The following DYNC2I1 variants were observed in gnomAD, a reference collection of about 807,000 sequenced individuals.
The protein encoded by DYNC2I1 is cytoplasmic dynein 2 intermediate chain 1.
A neutral mutation model predicts 133.4 loss-of-function variants in DYNC2I1; 89 were observed. The ratio of observed to expected loss-of-function variants is 0.67; its 90% CI spans 0.56 to 0.80. The LOEUF (loss-of-function observed/expected upper bound fraction) is 0.80, where lower values mean the gene tolerates loss of function less well. Among genes scored for constraint, DYNC2I1 ranks in the 30% least tolerant of loss-of-function variants. The pLI is 0.00. For missense variants in DYNC2I1, 1,291 were observed against 1,314.5 expected (o/e 0.98, Z 0.28); for synonymous variants, 504 against 484.3 (o/e 1.04, Z -0.54).
chr7:158,870,956 T>C (rs769445473), intron 2 of DYNC2I1, among the ~76,000 whole-genome samples, 186 bp from the exon 3 acceptor site: 4 of 152,216 alleles, frequency 2.6e-5, no homozygotes, highest in South Asian at 2.1e-4. Context: ...CCATGTCCTT[T>C]AGTGTTCTAA....
chr7:158,881,138 C>G (rs1219852656), intron 5 of DYNC2I1, among the ~76,000 whole-genome samples: 2 of 152,266 alleles, frequency 1.3e-5, no homozygotes, highest in African/African-American at 2.4e-5. Flanking sequence ...CAGAAGCTGC[C>G]TGGCTCCCGG....
chr7:158,871,327 C>T lies in DYNC2I1; in HGVS notation c.255C>T (p.Asp85=). The T allele has an allele frequency of 1.3e-6, 2 of 1,557,622 alleles. No homozygotes were observed. The highest frequency in any genetic ancestry group is 8.7e-7 in the Non-Finnish European group (1 of 1,150,246). The change falls in exon 3 of 25, where the codon GAC becomes GAT. Residue 85 remains aspartate (D), a synonymous_variant. Transcript: ENST00000407559. ...AGGAGAGTCCTCGTGGGGAGAGGGA[C>T]AGAGACAGACAGAGGGAGAGGAGAA... The part of the protein sequence containing the change: ...TAKESPRGER[D]RDRQRERRRD...
At chr7:158,866,438 C>G (rs1049194776) in intron 1 of DYNC2I1, among the ~76,000 whole-genome samples, 4 of 151,060 alleles carry the variant, frequency 2.6e-5, no homozygotes, top group Non-Finnish European at 1.5e-5. Context: ...CTGGGCGTCC[C>G]CTCTCTGTGG....
chr7:158,911,402 C>A, intron 11 of DYNC2I1, 148 bp from the exon 12 acceptor site: 1 of 805,370 alleles, frequency 1.2e-6, no homozygotes, highest in Non-Finnish European at 1.9e-6. Flanking sequence ...TTTTTAACAG[C>A]TGTTAAATAT....
At chr7:158,955,743 C>G (rs973623211) in intron 4 of DYNC2I1, among the ~76,000 whole-genome samples, 1 of 152,234 alleles carries the variant, frequency 6.6e-6, no homozygotes, top group Non-Finnish European at 1.5e-5. Context: ...CCACACGCTG[C>G]TTTTTAATGT....
At chr7:158,910,738 G>A (rs1436887340) in intron 11 of DYNC2I1, among the ~76,000 whole-genome samples, 1 of 142,066 alleles carries the variant, frequency 7.0e-6, no homozygotes, top group African/African-American at 2.6e-5. Context: ...TTAGAGGGCA[G>A]TTGGCTGTGT....
chr7:158,935,920 C>A (rs1850707367), intron 23 of DYNC2I1, among the ~76,000 whole-genome samples: 1 of 152,196 alleles, frequency 6.6e-6, no homozygotes, highest in South Asian at 2.1e-4. Flanking sequence ...ACAAAGTTAT[C>A]TGGGCACGGT....
intron 10 of DYNC2I1, chr7:158,902,998 C>T (rs779128388): frequency 3.4e-5 from 6 of 174,498 alleles, no homozygotes; most frequent in Non-Finnish European, 4.8e-5. Flanking sequence ...TTGCAACCAG[C>T]GTTTTATCCG....
intron 8 of DYNC2I1, among the ~76,000 whole-genome samples, chr7:158,893,991 C>G (rs1845498547): frequency 6.6e-6 from 1 of 152,084 alleles, no homozygotes; most frequent in African/African-American, 2.4e-5. Context: ...GCATGTCACA[C>G]CACATATCAT....
At chr7:158,952,780 C>A (rs1852094339) in intron 4 of DYNC2I1, among the ~76,000 whole-genome samples, 1 of 151,856 alleles carries the variant, frequency 6.6e-6, no homozygotes, top group African/African-American at 2.4e-5. Context: ...CCCCCAGCCG[C>A]GTCGTAAGAC....
At chr7:158,952,823 C>G (rs891742999) in intron 4 of DYNC2I1, among the ~76,000 whole-genome samples, 1 of 139,366 alleles carries the variant, frequency 7.2e-6, no homozygotes, top group African/African-American at 2.5e-5. Context: ...ACAGCGTGGG[C>G]TCAGCCTGAG....
Position 158,911,555 on chromosome 7 carries a change from G to C in DYNC2I1, c.1466G>C (p.Arg489Pro). Reference sequence around the variant, plus strand: ...GTTTCCAATTTATTTCAAAGGATGCGAAGTACAAAACTGCTTCGGCTCATT... The same window carrying C: ...GTTTCCAATTTATTTCAAAGGATGCCAAGTACAAAACTGCTTCGGCTCATT... ...SRTQALKQKM[R>P]STKLLRLIDL... The change falls in exon 12 of 25, where the codon CGA becomes CCA. Residue 489 changes from arginine (R) to proline (P), a missense_variant. Coordinates refer to ENST00000407559, the MANE Select transcript of DYNC2I1 (RefSeq NM_018051.5). 1 of 1,612,322 alleles carries C rather than the reference G, an allele frequency of 6.2e-7. No individual in the cohort carries two copies. The highest frequency in any genetic ancestry group is 8.5e-7 in the Non-Finnish European group (1 of 1,179,408).
chr7:158,922,539 G>A lies in DYNC2I1; in HGVS notation c.2084G>A (p.Cys695Tyr). The A allele has an allele frequency of 1.2e-6, 2 of 1,613,686 alleles. No individual in the cohort carries two copies. Among genetic ancestry groups the A allele is most frequent in the African/African-American group, 1.3e-5 (1 of 75,018 alleles). ...QPSGPQKVLICESQVTCCCLS... is the reference protein window; with the variant it reads ...QPSGPQKVLIYESQVTCCCLS... ...TCAGGGCCACAGAAAGTTCTGATAT[G>A]TGAGTCCCAGGTACAGCTCAGGATG... The change falls in exon 16 of 25, where the codon TGT becomes TAT. Residue 695 changes from cysteine to tyrosine, a missense_variant. By Grantham distance (194) the Cys-to-Tyr change is radical (BLOSUM62 -2). Transcript: ENST00000407559.
At chr7:158,947,918 T>C (rs2252774), downstream of DYNC2I1, among the ~76,000 whole-genome samples, 72,306 of 152,174 alleles carry the variant, frequency 0.48, 17,992 homozygotes, top group Non-Finnish European at 0.54. Context: ...TCCTTGAATG[T>C]GTCCTTCCCA....
At chr7:158,892,739 G>A (rs1349986668) in intron 8 of DYNC2I1, among the ~76,000 whole-genome samples, 2 of 151,914 alleles carry the variant, frequency 1.3e-5, no homozygotes, top group Non-Finnish European at 2.9e-5. Flanking sequence ...CCAGGAGTTC[G>A]AGACCAGCCT....
Position 158,916,214 on chromosome 7 carries a change from C to G in DYNC2I1, c.1791+1893C>G, listed in dbSNP as rs113893026. Reference sequence around the variant, plus strand: ...GACATTAAGGATGATTGTGAAACGTCTACACGCTGGTTGACATTAAGGATG... The same window carrying G: ...GACATTAAGGATGATTGTGAAACGTGTACACGCTGGTTGACATTAAGGATG... On this transcript the variant is annotated intron_variant, in intron 14 of 24. Coordinates refer to ENST00000407559, the MANE Select transcript of DYNC2I1 (RefSeq NM_018051.5). 5.8e-5 allele frequency among the ~76,000 whole-genome samples: 3 copies of G among 51,814 alleles called. 1 individual carries two copies. Among genetic ancestry groups the G allele is most frequent in the Non-Finnish European group, 9.1e-5 (2 of 21,910 alleles). The allele number at this position is 51,814 out of a possible 152,430, so 34.0% of individuals were successfully genotyped here.
Position 158,871,163 on chromosome 7 carries a change from A to G in DYNC2I1, c.91A>G (p.Lys31Glu), listed in dbSNP as rs1440479095. 3 of 1,613,342 alleles carry G rather than the reference A, an allele frequency of 1.9e-6. No homozygotes were observed. Among genetic ancestry groups the G allele is most frequent in the Non-Finnish European group, 1.7e-6 (2 of 1,179,558 alleles). ...TCAGGCCATACAGTCAGGTGGTTCC[A>G]AGGAAGAAAGAAAGCACAGAGAGAA... ...HLWAIQSGGS[K>E]EERKHREKKL... Residue 31 changes from lysine (K) to glutamate (E), a missense_variant, in exon 3 of 25, where the codon AAG becomes GAG. Transcript: ENST00000407559.
At chr7:158,938,819 T>A (rs952461102) in intron 23 of DYNC2I1, among the ~76,000 whole-genome samples, 1 of 151,542 alleles carries the variant, frequency 6.6e-6, no homozygotes, top group African/African-American at 2.4e-5. Context: ...GAAAAAAAAA[T>A]ACACGCAAAA....
intron 11 of DYNC2I1, among the ~76,000 whole-genome samples, chr7:158,909,014 G>A (rs1847115626): frequency 6.6e-6 from 1 of 152,084 alleles, no homozygotes; most frequent in African/African-American, 2.4e-5. Context: ...TTTCTTTTAT[G>A]GAATAGGCAA....
Sources: allele counts gnomAD v4.1 joint callset (sites outside exome capture counted in the v4.1 genomes callset), GRCh38; gene constraint gnomAD v4.1.1; transcripts MANE v1.5; gene names NCBI Gene and HGNC (gene_info 2026-07-23, HGNC 2026-07-21).